The following CPS1 variants were observed in gnomAD, a reference collection of about 807,000 sequenced individuals.
The protein encoded by CPS1 is carbamoyl-phosphate synthase 1.
A neutral mutation model predicts 174.6 loss-of-function variants in CPS1; 109 were observed. The observed-to-expected ratio is 0.62, with a 90% CI of 0.53 to 0.73. CPS1 has a LOEUF of 0.73. Ranked by LOEUF, CPS1 falls within the 30% of genes least tolerant of loss-of-function variation. CPS1 has a pLI of 0.00. For missense variants in CPS1, 1,689 were observed against 1,821.9 expected, an observed-to-expected ratio of 0.93 and a Z score of 1.33; for synonymous variants, 637 against 632.0, an observed-to-expected ratio of 1.01 and a Z score of -0.12.
At chr2:210,658,756 T>G in intron 31 of CPS1, 68 bp downstream of exon 31, 2 of 1,161,884 alleles carry the variant, frequency 1.7e-6, no homozygotes, top group Non-Finnish European at 2.6e-6. Context: ...TGCATCTCTC[T>G]GGTAATCTTC....
At chr2:210,637,577 A>G (rs1700075842) in intron 21 of CPS1, 125 bp from the exon 22 acceptor site, 2 of 1,002,598 alleles carry the variant, frequency 2.0e-6, no homozygotes, top group African/African-American at 1.6e-5. Context: ...TTTAAAAGAT[A>G]ACAAGACTTA....
In CPS1 at chr2:210,637,862, T is replaced by C. The variant is rs370788477; in HGVS notation, c.2829+19T>C. The stretch of plus-strand genomic sequence containing the variant: ...TAAACAGGTAAAGGAGTTTCCCTTT[T>C]CCCCCATCCCCCACTGACAGGATTT... On this transcript the variant is annotated intron_variant, in intron 22 of 37. Coordinates refer to ENST00000233072, the MANE Select transcript of CPS1 (RefSeq NM_001875.5). 8.9e-5 allele frequency: 144 copies of C among 1,613,422 alleles called. No homozygotes were observed. The African/African-American group carries it at 1.5e-3, about 17-fold the overall frequency.
In CPS1 at chr2:210,668,229, C is replaced by G. The variant is rs1701169191; in HGVS notation, c.4046C>G (p.Ala1349Gly). The G allele has an allele frequency of 6.2e-7, 1 of 1,613,764 alleles. No homozygotes were observed. The highest frequency in any genetic ancestry group is 8.5e-7 in the Non-Finnish European group (1 of 1,179,884). ...GEGIHTAFLK[A>G]MLSTGFKIPQ... ...GGTATTCATACAGCCTTCCTAAAGG[C>G]AATGCTTTCCACAGGATTTAAGATA... The change falls in exon 34 of 38, where the codon GCA becomes GGA. Residue 1349 changes from alanine (A) to glycine (G), a missense_variant. Transcript: ENST00000233072.
intron 11 of CPS1, among the ~76,000 whole-genome samples, chr2:210,593,920 A>G (rs1038003756): frequency 1.4e-4 from 21 of 152,092 alleles, no homozygotes; most frequent in Non-Finnish European, 2.7e-4. Context: ...AAATTAGCAT[A>G]TATTAGTACT....
chr2:210,571,231 A>G (rs1450188311), intron 1 of CPS1, among the ~76,000 whole-genome samples: 1 of 151,994 alleles, frequency 6.6e-6, no homozygotes, highest in Non-Finnish European at 1.5e-5. Flanking sequence ...AACTATTTAA[A>G]GTGTCAAGCT....
At chr2:210,485,156 G>A (rs918454638) in intron 1 of CPS1, among the ~76,000 whole-genome samples, 12 of 151,732 alleles carry the variant, frequency 7.9e-5, no homozygotes, top group Admixed American at 2.0e-4. Flanking sequence ...GTGTGAACCC[G>A]GGAGGCGTGA....
chr2:210,677,545 C>T (rs1402988756), intron 37 of CPS1, among the ~76,000 whole-genome samples: 1 of 152,224 alleles, frequency 6.6e-6, no homozygotes, highest in African/African-American at 2.4e-5. Flanking sequence ...GAGGCATGTT[C>T]AGTTTCACTT....
intron 7 of CPS1, 49 bp from the exon 8 acceptor site, chr2:210,590,057 G>C: frequency 6.2e-7 from 1 of 1,609,820 alleles, no homozygotes; most frequent in South Asian, 1.1e-5. Flanking sequence ...ATTATACTTT[G>C]GCAAAGAAAC....
intron 33 of CPS1, 45 bp from the exon 34 acceptor site, chr2:210,668,141 A>G (rs531141807): frequency 1.4e-6 from 2 of 1,380,408 alleles, no homozygotes; most frequent in Admixed American, 1.7e-5. Flanking sequence ...GTGGTTGACT[A>G]TTCTTTGCAT....
chr2:210,563,825 C>T (rs1383336175), intron 1 of CPS1, among the ~76,000 whole-genome samples: 1 of 152,220 alleles, frequency 6.6e-6, no homozygotes, highest in Non-Finnish European at 1.5e-5. Flanking sequence ...CCCTCTCAAT[C>T]AGTTTAGCAT....
chr2:210,529,437 T>C (rs1408158160), intron 1 of CPS1, among the ~76,000 whole-genome samples: 2 of 151,996 alleles, frequency 1.3e-5, no homozygotes, highest in African/African-American at 2.4e-5. Context: ...CCATTTGTTT[T>C]CTCCAGTTAG....
chr2:210,512,439 A>G (rs1163280518), intron 1 of CPS1, among the ~76,000 whole-genome samples: 3 of 152,100 alleles, frequency 2.0e-5, no homozygotes, highest in Non-Finnish European at 4.4e-5. Context: ...CCCACTTAAA[A>G]GTAAGAACAT....
chr2:210,510,509 G>A (rs1044779231), intron 1 of CPS1, among the ~76,000 whole-genome samples: 5 of 152,286 alleles, frequency 3.3e-5, no homozygotes, highest in African/African-American at 1.2e-4. Context: ...CAAAGCAATG[G>A]CAACAAAAGC....
At position 210,647,863 on chromosome 2, in the gene CPS1, G is replaced by T. The variant is rs1700427873; in HGVS notation, c.3142G>T (p.Ala1048Ser). 3 of 1,613,912 alleles carry T rather than the reference G, an allele frequency of 1.9e-6. No individual in the cohort carries two copies. The highest frequency in any genetic ancestry group is 2.5e-6 in the Non-Finnish European group (3 of 1,179,878). The change falls in exon 26 of 38, where the codon GCA (alanine) becomes TCA (serine). Residue 1048 changes from alanine to serine, a missense_variant and splice_region_variant. Ala to Ser is a moderately conservative substitution (Grantham distance 99, BLOSUM62 1). Transcript: ENST00000233072. Reference protein sequence around the residue: ...ERILDIYHQEACGGCIISVGG... With the variant: ...ERILDIYHQESCGGCIISVGG... Reference sequence around the variant, plus strand: ...CTGATATTGTGAGTGTATTTTCCAGGCATGTGGTGGCTGCATCATATCAGT... The same window carrying T: ...CTGATATTGTGAGTGTATTTTCCAGTCATGTGGTGGCTGCATCATATCAGT...
chr2:210,516,679 C>T (rs533300707), intron 1 of CPS1, among the ~76,000 whole-genome samples: 1 of 151,974 alleles, frequency 6.6e-6, no homozygotes, highest in Admixed American at 6.6e-5. Flanking sequence ...CTACCTCATA[C>T]CCCCACCTCA....
At chr2:210,636,434 T>C (rs1700043124) in intron 21 of CPS1, among the ~76,000 whole-genome samples, 1 of 151,692 alleles carries the variant, frequency 6.6e-6, no homozygotes, top group African/African-American at 2.4e-5. Flanking sequence ...ATTTATATGT[T>C]TATATTACTT....
At chr2:210,498,929 C>T (rs982730432) in intron 1 of CPS1, among the ~76,000 whole-genome samples, 1 of 152,156 alleles carries the variant, frequency 6.6e-6, no homozygotes, top group African/African-American at 2.4e-5. Flanking sequence ...GGCTGTGCTT[C>T]ACCATGGTGT....
At chr2:210,526,885 CTAAT>C (rs1695986576) in intron 1 of CPS1, among the ~76,000 whole-genome samples, 1 of 151,966 alleles carries the variant, frequency 6.6e-6, no homozygotes, top group African/African-American at 2.4e-5. Flanking sequence ...AATCTTGTCA[CTAAT>C]CAATCAATAC....
At chr2:210,584,226 G>A (rs115364911) in intron 6 of CPS1, among the ~76,000 whole-genome samples, 220 of 152,186 alleles carry the variant, frequency 1.4e-3, no homozygotes, top group African/African-American at 5.0e-3. Context: ...CTTTACATGT[G>A]GAGAATTTAG....
Sources: allele counts gnomAD v4.1 joint callset (sites outside exome capture counted in the v4.1 genomes callset), GRCh38; gene constraint gnomAD v4.1.1; transcripts MANE v1.5; gene names NCBI Gene and HGNC (gene_info 2026-07-23, HGNC 2026-07-21).